AKNA: variants seen among roughly 807,000 people sequenced by gnomAD.
AKNA encodes the protein AT-hook transcription factor.
A neutral mutation model predicts 138.8 loss-of-function variants in AKNA; 67 were observed. That is an observed-to-expected ratio of 0.48 (90% confidence interval 0.40 to 0.59). AKNA has a LOEUF of 0.59. Among genes scored for constraint, AKNA ranks in the 20% least tolerant of loss-of-function variants. The probability of loss-of-function intolerance (pLI) is 0.00; values close to 1 mark genes in which losing one functional copy is unlikely to be tolerated. For synonymous variants in AKNA, 737 were observed against 754.4 expected (o/e 0.98, Z 0.38); for missense variants, 1,813 against 1,880.4 (o/e 0.96, Z 0.66).
At chr9:114,384,297 A>G (rs751050112) in intron 1 of AKNA, among the ~76,000 whole-genome samples, 5 of 152,242 alleles carry the variant, frequency 3.3e-5, no homozygotes, top group Non-Finnish European at 7.3e-5. Context: ...TGGGCCAGGT[A>G]CAGCGGCTCA....
chr9:114,378,328 AG>A (rs1441293134), intron 2 of AKNA, among the ~76,000 whole-genome samples: 1 of 152,188 alleles, frequency 6.6e-6, no homozygotes, highest in South Asian at 2.1e-4. Context: ...CTCCCTGACT[AG>A]GTCAAGTTCT....
At chr9:114,386,888 G>A (rs566380904) in intron 1 of AKNA, among the ~76,000 whole-genome samples, 2 of 152,072 alleles carry the variant, frequency 1.3e-5, no homozygotes, top group South Asian at 2.1e-4. Context: ...TACGCAGCCC[G>A]CACAGCCTCC....
At chr9:114,392,200 C>G (rs911936903), upstream of AKNA, among the ~76,000 whole-genome samples, 16 of 151,912 alleles carry the variant, frequency 1.1e-4, no homozygotes, top group Non-Finnish European at 1.9e-4. Flanking sequence ...TGAAGCCTGG[C>G]TAGGGAAGTA....
Position 114,359,795 on chromosome 9 carries a change from C to G in AKNA, c.2292-1G>C. 6.2e-7 allele frequency: 1 copy of G among 1,601,022 alleles called. No individual in the cohort carries two copies. ...TGGGAGAGACTTCACACTGAGGTAC[C>G]TGCAGAAGAACACACAGAGGGGCAT... On this transcript the variant is annotated splice_acceptor_variant, in intron 10 of 21. Transcript: ENST00000374088. LOFTEE classifies it high-confidence loss of function.
At chr9:114,388,386 G>C (rs1026115300), upstream of AKNA, among the ~76,000 whole-genome samples, 12 of 152,272 alleles carry the variant, frequency 7.9e-5, no homozygotes, top group African/African-American at 2.9e-4. Flanking sequence ...CCCTCACTAG[G>C]CCTCAGGGCC....
At chr9:114,366,446 A>C (rs913507281) in intron 6 of AKNA, among the ~76,000 whole-genome samples, 2 of 152,166 alleles carry the variant, frequency 1.3e-5, no homozygotes, top group African/African-American at 2.4e-5. Context: ...TAAAGACAGG[A>C]AGCAGAAGAG....
chr9:114,342,221 G>A (rs1033744733), intron 19 of AKNA, 96 bp from the exon 20 acceptor site: 19 of 872,840 alleles, frequency 2.2e-5, no homozygotes, highest in East Asian at 2.0e-4. Flanking sequence ...AGCTCTCCTC[G>A]GGACCCACTG....
In AKNA at chr9:114,341,631, G is replaced by T; in HGVS notation, c.3969C>A (p.Pro1323=). Residue 1323 remains proline (P), a synonymous_variant, in exon 21 of 22, where the codon CCC becomes CCA. Transcript: ENST00000374088. ...GCGCTGTTGCCAGATACCACAGTCC[G>T]GGGGGTGGGCGTGGCGACGACCCCG... ...KQAGSSPRPP[P]GLWYLATAPP... 3 of 1,611,294 alleles carry T rather than the reference G, an allele frequency of 1.9e-6. No individual in the cohort carries two copies. Among genetic ancestry groups the T allele is most frequent in the Non-Finnish European group, 2.5e-6 (3 of 1,179,090 alleles).
intron 2 of AKNA, among the ~76,000 whole-genome samples, chr9:114,379,471 T>A (rs376193840): frequency 3.9e-5 from 6 of 152,168 alleles, no homozygotes; most frequent in African/African-American, 1.4e-4. Flanking sequence ...CACCATCCCC[T>A]GCTGGAGAGA....
chr9:114,367,863 C>T (rs751542026), intron 5 of AKNA, among the ~76,000 whole-genome samples, 166 bp from the exon 6 acceptor site: 6 of 152,206 alleles, frequency 3.9e-5, no homozygotes, highest in Non-Finnish European at 7.3e-5. Flanking sequence ...GAACATTGTC[C>T]CCCATTTACA....
chr9:114,344,726 A>T (rs1766083), intron 18 of AKNA: 90,721 of 153,642 alleles, frequency 0.59, 28,794 homozygotes, highest in African/African-American at 0.84. Flanking sequence ...TAAGCTCACT[A>T]TTAAGGGTTA....
intron 1 of AKNA, among the ~76,000 whole-genome samples, chr9:114,393,528 G>A (rs989466626): frequency 1.3e-5 from 2 of 151,912 alleles, no homozygotes; most frequent in African/African-American, 4.8e-5. Flanking sequence ...CCCGGCCCTG[G>A]ACAGTGTGAT....
intron 1 of AKNA, among the ~76,000 whole-genome samples, chr9:114,383,829 G>A (rs772186945): frequency 4.6e-5 from 7 of 152,214 alleles, no homozygotes; most frequent in Admixed American, 2.0e-4. Context: ...GGAGGGAGGT[G>A]CAGGGAATAC....
intron 1 of AKNA, among the ~76,000 whole-genome samples, chr9:114,387,120 G>A (rs889445535): frequency 2.0e-5 from 3 of 152,120 alleles, no homozygotes; most frequent in Non-Finnish European, 4.4e-5. Flanking sequence ...AGGGAGATGG[G>A]GAAGGAAGAC....
At chr9:114,391,901 A>T (rs548251210), upstream of AKNA, among the ~76,000 whole-genome samples, 254 of 149,912 alleles carry the variant, frequency 1.7e-3, 2 homozygotes, top group Non-Finnish European at 2.8e-3. Context: ...AACAAAAAAA[A>T]CCTCTTACTC....
In AKNA at chr9:114,337,013, GCCC is replaced by G; in HGVS notation, c.*38_*40del. 3.4e-6 allele frequency: 4 copies of G among 1,185,368 alleles called. No individual in the cohort carries two copies. The highest frequency in any genetic ancestry group is 2.5e-5 in the South Asian group (1 of 40,610). The allele number at this position is 1,185,368 out of a possible 1,614,324, so 73.4% of individuals were successfully genotyped here. A position where few individuals can be genotyped will look rare whatever the true frequency, so the allele number is the denominator to read the frequency against. ...CCACTCCTGGCCTGGCAGGCCACCT[GCCC>G]ACCCACCCACCCATCTGCCTCTGGG... is the stretch of plus-strand genomic sequence containing the variant. On this transcript the variant is annotated 3_prime_UTR_variant, in exon 22 of 22. Coordinates refer to ENST00000374088, the MANE Select transcript of AKNA (RefSeq NM_001317950.2).
chr9:114,342,777 G>A (rs1464545238), intron 19 of AKNA, among the ~76,000 whole-genome samples: 2 of 18,284 alleles, frequency 1.1e-4, no homozygotes, highest in African/African-American at 4.7e-4. Context: ...AGCCCCACTC[G>A]TGCTCCCCTA....
At chr9:114,363,201 G>C (rs578061541) in intron 7 of AKNA, among the ~76,000 whole-genome samples, 5 of 152,240 alleles carry the variant, frequency 3.3e-5, no homozygotes, top group African/African-American at 1.2e-4. Context: ...ACAGGATGTG[G>C]GCCCAGGCCC....
chr9:114,385,240 GATCTTAA>G (rs1833948421), intron 1 of AKNA, among the ~76,000 whole-genome samples: 1 of 152,170 alleles, frequency 6.6e-6, no homozygotes, highest in Admixed American at 6.5e-5. Context: ...CCCTGCCAGG[GATCTTAA>G]GCTTCAGTGT....
Sources: gnomAD v4.1 joint callset for allele counts (sites outside exome capture counted in the v4.1 genomes callset) on GRCh38, gnomAD v4.1.1 for gene constraint, MANE v1.5 for transcripts, NCBI Gene and HGNC (gene_info 2026-07-23, HGNC 2026-07-21) for gene names.